The following POLE2 variants were observed in gnomAD, a reference collection of about 807,000 sequenced individuals.
POLE2 encodes the protein DNA polymerase epsilon subunit 2.
Under a neutral mutation model 79.4 loss-of-function variants are expected in POLE2, and 56 were observed. That is an observed-to-expected ratio of 0.71 (90% CI 0.57 to 0.88). The LOEUF is 0.88. Among genes scored for constraint, POLE2 ranks in the 40% least tolerant of loss-of-function variants. The pLI, the probability that POLE2 is intolerant of heterozygous loss-of-function variation, is 0.00. For missense variants in POLE2, 598 were observed against 638.9 expected, an observed-to-expected ratio of 0.94 and a Z score of 0.69; for synonymous variants, 212 against 214.0, an observed-to-expected ratio of 0.99 and a Z score of 0.08.
Position 49,655,046 on chromosome 14 carries a change from GA to G in POLE2, c.976del (p.Ser326HisfsTer13). On this transcript the variant is annotated frameshift_variant, in exon 12 of 19. Transcript: ENST00000216367. LOFTEE classifies it high-confidence loss of function. ...TTGATTTTTTCCATATGGTGCAGATGAAAAATTACCACACAGAATAAAGCAG... is the reference window on the plus strand; with the variant it reads ...TTGATTTTTTCCATATGGTGCAGATGAAAATTACCACACAGAATAAAGCAG... ...PTCFILCGNF[S>X]SAPYGKNQVQ... The G allele has an allele frequency of 6.3e-7, 1 of 1,580,170 alleles. No homozygotes were observed. The highest frequency in any genetic ancestry group is 1.8e-5 in the Admixed American group (1 of 56,808).
At chr14:49,654,678 A>T in intron 13 of POLE2, 106 bp downstream of exon 13, 1 of 1,297,858 alleles carries the variant, frequency 7.7e-7, no homozygotes, top group Non-Finnish European at 1.0e-6. Flanking sequence ...TCTCAACTTT[A>T]TCTTTCTTCC....
intron 18 of POLE2, among the ~76,000 whole-genome samples, chr14:49,643,875 CTTTTTTTT>C (rs11361567): frequency 9.4e-5 from 5 of 53,206 alleles, no homozygotes; most frequent in African/African-American, 3.3e-4. Context: ...AAATGTATGT[CTTTTTTTT>C]TTTTTTTTTT....
chr14:49,646,222 A>T (rs970329433), intron 18 of POLE2, among the ~76,000 whole-genome samples: 2 of 151,550 alleles, frequency 1.3e-5, no homozygotes, highest in Non-Finnish European at 2.9e-5. Context: ...GAAAAAGACA[A>T]CTGGGCTGTG....
At chr14:49,686,643 T>G (rs1887158425) in intron 1 of POLE2, among the ~76,000 whole-genome samples, 2 of 152,222 alleles carry the variant, frequency 1.3e-5, no homozygotes, top group South Asian at 4.1e-4. Context: ...ATACATTATC[T>G]GCCCCCTACA....
At chr14:49,666,846 A>C (rs955773878) in intron 6 of POLE2, among the ~76,000 whole-genome samples, 2 of 152,134 alleles carry the variant, frequency 1.3e-5, no homozygotes, top group Non-Finnish European at 2.9e-5. Flanking sequence ...TTACATTCTC[A>C]ATCTGATCTT....
chr14:49,643,680 G>GAA lies in POLE2; in HGVS notation c.1566-12_1566-11dup. Reference sequence around the variant, plus strand: ...AAAGCCTTGAAGTTTGCTGAAAATAGAAAAAAAAATTAAATATTTGGAAAC... The same window carrying GAA: ...AAAGCCTTGAAGTTTGCTGAAAATAGAAAAAAAAAAATTAAATATTTGGAAAC... On this transcript the variant is annotated splice_polypyrimidine_tract_variant and intron_variant, in intron 18 of 18. Coordinates refer to ENST00000216367, the MANE Select transcript of POLE2 (RefSeq NM_002692.4). 3.0e-6 allele frequency: 4 copies of GAA among 1,327,120 alleles called. No individual in the cohort carries two copies. Among genetic ancestry groups the GAA allele is most frequent in the Non-Finnish European group, 4.2e-6 (4 of 947,048 alleles). 82.2% of individuals were successfully genotyped at this position (1,327,120 alleles called of 1,614,324 possible).
intron 6 of POLE2, 98 bp downstream of exon 6, chr14:49,669,416 CAGTTACCAAT>C (rs1885715245): frequency 1.1e-5 from 7 of 658,762 alleles, no homozygotes; most frequent in Non-Finnish European, 1.9e-5. Context: ...GTTAGCTAAA[CAGTTACCAAT>C]AGTTTATTTT....
At chr14:49,687,998 G>T (rs1887284553) in intron 1 of POLE2, 138 bp downstream of exon 1, 1 of 690,580 alleles carries the variant, frequency 1.4e-6, no homozygotes, top group Non-Finnish European at 2.4e-6. Flanking sequence ...GCGCCCGACC[G>T]CTTCTTAGAA....
At chr14:49,652,926 G>A (rs968102385) in intron 15 of POLE2, among the ~76,000 whole-genome samples, 1 of 152,088 alleles carries the variant, frequency 6.6e-6, no homozygotes, top group Non-Finnish European at 1.5e-5. Flanking sequence ...CTGTGGTAGA[G>A]GGTTGTGGAG....
At chr14:49,677,596 C>A in intron 3 of POLE2, 1 of 522,478 alleles carries the variant, frequency 1.9e-6, no homozygotes. Flanking sequence ...CTTCCCTGAG[C>A]AGTCACTGTG....
At chr14:49,674,947 T>C (rs555998376) in intron 3 of POLE2, among the ~76,000 whole-genome samples, 2 of 152,270 alleles carry the variant, frequency 1.3e-5, no homozygotes, top group African/African-American at 4.8e-5. Flanking sequence ...CAAGAAAGCA[T>C]TGCCAAAACT....
chr14:49,661,125 T>C (rs1290548940), intron 10 of POLE2, among the ~76,000 whole-genome samples: 2 of 152,102 alleles, frequency 1.3e-5, no homozygotes, highest in African/African-American at 4.8e-5. Flanking sequence ...TTCACCATGT[T>C]GCCCAGGCTA....
chr14:49,664,142 A>T (rs1885300244), intron 9 of POLE2, among the ~76,000 whole-genome samples: 1 of 151,966 alleles, frequency 6.6e-6, no homozygotes. Flanking sequence ...TGAGCTCAGG[A>T]GTTTGAAACC....
At chr14:49,678,816 C>A (rs540934747) in intron 3 of POLE2, among the ~76,000 whole-genome samples, 1 of 150,670 alleles carries the variant, frequency 6.6e-6, no homozygotes, top group South Asian at 2.1e-4. Flanking sequence ...CCCACTACCG[C>A]CCAGCTAATT....
At chr14:49,684,665 A>G in intron 1 of POLE2, 1 of 149,004 alleles carries the variant, frequency 6.7e-6, no homozygotes, top group African/African-American at 2.5e-5. Context: ...CATCATTAAA[A>G]AAAAAAAAAA....
chr14:49,653,836 T>G, intron 15 of POLE2, 154 bp downstream of exon 15: 1 of 555,428 alleles, frequency 1.8e-6, no homozygotes, highest in South Asian at 2.2e-5. Flanking sequence ...TTTGTAGAGA[T>G]GGGTTTCACT....
intron 5 of POLE2, among the ~76,000 whole-genome samples, chr14:49,672,578 T>A (rs1480239310): frequency 1.3e-5 from 2 of 150,178 alleles, no homozygotes; most frequent in African/African-American, 4.9e-5. Context: ...TGGCTCACCA[T>A]AACCTCCGCC....
chr14:49,678,263 A>G (rs1258572237), intron 3 of POLE2, among the ~76,000 whole-genome samples: 4 of 152,046 alleles, frequency 2.6e-5, no homozygotes, highest in East Asian at 3.9e-4. Context: ...TCGGCCTCCC[A>G]AAGTGCTGGG....
intron 5 of POLE2, among the ~76,000 whole-genome samples, chr14:49,672,307 G>A (rs573890485): frequency 2.6e-5 from 4 of 152,284 alleles, no homozygotes; most frequent in Non-Finnish European, 2.9e-5. Context: ...GGTGGTCAGA[G>A]CTATACTTTG....
Sources: allele counts gnomAD v4.1 joint callset (sites outside exome capture counted in the v4.1 genomes callset), GRCh38; gene constraint gnomAD v4.1.1; transcripts MANE v1.5; gene names NCBI Gene and HGNC (gene_info 2026-07-23, HGNC 2026-07-21).